DAB2IP: variants seen among roughly 807,000 people sequenced by gnomAD.
The protein encoded by DAB2IP is DAB2 interacting protein.
In DAB2IP, 28 loss-of-function variants were observed where a neutral mutation model predicts 107.2. The observed-to-expected ratio is 0.26, with a 90% CI of 0.19 to 0.36. The LOEUF is 0.36. DAB2IP is among the 10% of genes least tolerant of loss of function. The pLI, the probability that DAB2IP is intolerant of heterozygous loss-of-function variation, is 1.00. For missense variants in DAB2IP, 1,400 were observed against 1,644.7 expected (o/e 0.85, Z 2.57); for synonymous variants, 755 against 706.4 (o/e 1.07, Z -1.09).
At chr9:121,708,372 GC>G (rs1053124524) in intron 3 of DAB2IP, among the ~76,000 whole-genome samples, 5 of 152,206 alleles carry the variant, frequency 3.3e-5, no homozygotes, top group African/African-American at 1.2e-4. Context: ...AGGCTGTGAT[GC>G]CTTTTGAAAT....
intron 1 of DAB2IP, among the ~76,000 whole-genome samples, chr9:121,571,770 A>G (rs1829948009): frequency 6.6e-6 from 1 of 151,932 alleles, no homozygotes; most frequent in Non-Finnish European, 1.5e-5. Flanking sequence ...GCAGAGCCCT[A>G]TTGGGTGGTC....
At position 121,718,959 on chromosome 9, in the gene DAB2IP, G is replaced by C. The variant is rs139795717; in HGVS notation, c.362+19501G>C. 8.0e-4 allele frequency among the ~76,000 whole-genome samples: 122 copies of C among 152,264 alleles called. 1 individual carries two copies. Among genetic ancestry groups the C allele is most frequent in the African/African-American group, 2.9e-3 (120 of 41,538 alleles). ...CTCATTTTTTGTGCCTGATTTCTGTGCTTCACTTTTGGGTCCACTCCACCT... is the reference window on the plus strand; with the variant it reads ...CTCATTTTTTGTGCCTGATTTCTGTCCTTCACTTTTGGGTCCACTCCACCT... On this transcript the variant is annotated intron_variant, in intron 3 of 15. Transcript: ENST00000408936.
chr9:121,755,757 C>T (rs1833432383), intron 3 of DAB2IP, among the ~76,000 whole-genome samples: 3 of 152,212 alleles, frequency 2.0e-5, no homozygotes. Context: ...CCTCAGCCCG[C>T]TGACCCGGGG....
intron 3 of DAB2IP, among the ~76,000 whole-genome samples, chr9:121,714,992 G>A (rs888266002): frequency 6.6e-6 from 1 of 152,244 alleles, no homozygotes; most frequent in African/African-American, 2.4e-5. Flanking sequence ...TTTCACAAGC[G>A]AGGAAACCAG....
At chr9:121,752,134 A>T (rs1295828919) in intron 3 of DAB2IP, among the ~76,000 whole-genome samples, 1 of 152,180 alleles carries the variant, frequency 6.6e-6, no homozygotes, top group Non-Finnish European at 1.5e-5. Context: ...AGCGGCCCAT[A>T]CTTGGACAGA....
upstream of DAB2IP, among the ~76,000 whole-genome samples, chr9:121,647,820 TATAC>T (rs1452529488): frequency 6.7e-6 from 1 of 149,178 alleles, no homozygotes; most frequent in Non-Finnish European, 1.5e-5. Context: ...TACACATATA[TATAC>T]ATACATATAC....
chr9:121,730,307 A>G lies in DAB2IP; in HGVS notation c.363-26706A>G, dbSNP rs1831453886. Among the ~76,000 whole-genome samples, 4 of 152,224 alleles carry G rather than the reference A, an allele frequency of 2.6e-5. No individual in the cohort carries two copies. The South Asian group carries it at 8.3e-4, about 32-fold the overall frequency. On this transcript the variant is annotated intron_variant, in intron 3 of 15. Transcript: ENST00000408936. ...AACTCAATTATTTTCTCGAAGACAG[A>G]ACAGAACTGAATTGGGTCAACGGCT...
chr9:121,776,452 C>G lies in DAB2IP; in HGVS notation c.3314+61C>G. The G allele has an allele frequency of 6.9e-7, 1 of 1,443,596 alleles. No homozygotes were observed. The highest frequency in any genetic ancestry group is 1.5e-5 in the South Asian group (1 of 68,362). 89.4% of individuals were successfully genotyped at this position (1,443,596 alleles called of 1,614,324 possible). On this transcript the variant is annotated intron_variant, in intron 14 of 15. Transcript: ENST00000408936. This position sits in a 1 kb window ranked among gnomAD's most constrained non-coding sequence, Gnocchi z 5.4. Reference sequence around the variant, plus strand: ...CAGGCAGGGCAGCCATCGCTGCCTTCGAGGAGGCCCCTGGTCGGGGAGCCT... The same window carrying G: ...CAGGCAGGGCAGCCATCGCTGCCTTGGAGGAGGCCCCTGGTCGGGGAGCCT...
chr9:121,760,464 GACACA>G lies in DAB2IP; in HGVS notation c.1170+26_1170+30del. ...GGTGCGTGCAGGCCCCTCGGCTCCT[GACACA>G]GGCTGGGCGGCAGCACTGGGTTACC... On this transcript the variant is annotated intron_variant, in intron 6 of 15. Transcript: ENST00000408936. This position sits in a 1 kb window ranked among gnomAD's most constrained non-coding sequence, Gnocchi z 5.9. The G allele has an allele frequency of 6.4e-7, 1 of 1,556,538 alleles. No homozygotes were observed. The highest frequency in any genetic ancestry group is 8.7e-7 in the Non-Finnish European group (1 of 1,156,048).
intron 1 of DAB2IP, among the ~76,000 whole-genome samples, chr9:121,618,418 T>C (rs967658624): frequency 6.6e-5 from 10 of 152,122 alleles, no homozygotes; most frequent in African/African-American, 2.4e-4. Context: ...TGGAGTGCAG[T>C]GGCACAACCT....
intron 1 of DAB2IP, among the ~76,000 whole-genome samples, chr9:121,642,167 A>G (rs1832378752): frequency 6.8e-6 from 1 of 148,050 alleles, no homozygotes; most frequent in South Asian, 2.1e-4. Context: ...TGTAGCCTCA[A>G]CCTCCCTGGC....
At chr9:121,589,492 A>G (rs1033957048) in intron 1 of DAB2IP, among the ~76,000 whole-genome samples, 2 of 151,986 alleles carry the variant, frequency 1.3e-5, no homozygotes, top group African/African-American at 2.4e-5. Context: ...CCTTTCCTGG[A>G]GCCATTCCTG....
At chr9:121,643,665 A>G (rs1254709679) in intron 1 of DAB2IP, among the ~76,000 whole-genome samples, 1 of 151,980 alleles carries the variant, frequency 6.6e-6, no homozygotes, top group Non-Finnish European at 1.5e-5. Context: ...GTCTAGCTCC[A>G]TGCCAGTGTC....
chr9:121,643,185 C>T (rs537554384), intron 1 of DAB2IP, among the ~76,000 whole-genome samples: 1 of 152,146 alleles, frequency 6.6e-6, no homozygotes, highest in East Asian at 1.9e-4. Context: ...GGAGTGGGGC[C>T]CTGGAATCTG....
intron 3 of DAB2IP, among the ~76,000 whole-genome samples, chr9:121,732,756 C>T (rs1422050151): frequency 6.6e-6 from 1 of 152,180 alleles, no homozygotes; most frequent in African/African-American, 2.4e-5. Context: ...CAGTAACTAG[C>T]GATGTGAGCT....
chr9:121,570,790 T>C (rs1324058536), intron 1 of DAB2IP, among the ~76,000 whole-genome samples: 1 of 152,070 alleles, frequency 6.6e-6, no homozygotes, highest in Non-Finnish European at 1.5e-5. Context: ...TCTCTCAATC[T>C]GCCCGCCTCG....
At chr9:121,656,922 C>T (rs1224521643) in intron 1 of DAB2IP, among the ~76,000 whole-genome samples, 1 of 152,208 alleles carries the variant, frequency 6.6e-6, no homozygotes, top group East Asian at 1.9e-4. Context: ...GCAGACCTTT[C>T]TAAGGTCAGG....
chr9:121,774,405 C>A, exon 13 of DAB2IP: 1 of 1,610,192 alleles, frequency 6.2e-7, no homozygotes, highest in South Asian at 1.1e-5. Context: ...CTCAGCCAAG[C>A]AGAAAAGGTA....
chr9:121,694,168 G>C (rs906444101), intron 2 of DAB2IP, among the ~76,000 whole-genome samples: 8 of 152,148 alleles, frequency 5.3e-5, no homozygotes, highest in African/African-American at 1.9e-4. Context: ...GCTGAGTGTG[G>C]GGAGGATGAT....
Sources: allele counts gnomAD v4.1 joint callset (sites outside exome capture counted in the v4.1 genomes callset), GRCh38; gene constraint gnomAD v4.1.1; non-coding constraint Gnocchi (gnomAD v3.1); transcripts MANE v1.5; gene names NCBI Gene and HGNC (gene_info 2026-07-23, HGNC 2026-07-21).